Variants in RBFOX1 observed in about 807,000 individuals in gnomAD.
RBFOX1 encodes the protein RNA binding protein fox-1 homolog 1.
A neutral mutation model predicts 57.7 loss-of-function variants in RBFOX1; 8 were observed. The observed-to-expected ratio is 0.14, with a 90% CI of 0.08 to 0.25. RBFOX1 has a LOEUF of 0.25. RBFOX1 is among the 10% of genes least tolerant of loss of function. The probability of loss-of-function intolerance (pLI) is 1.00; values close to 1 mark genes in which losing one functional copy is unlikely to be tolerated. For missense variants in RBFOX1, 611 were observed against 548.5 expected (o/e 1.11, Z -1.14); for synonymous variants, 326 against 222.4 (o/e 1.47, Z -4.15).
intron 4 of RBFOX1, among the ~76,000 whole-genome samples, chr16:7,393,502 C>G (rs373801916): frequency 1.3e-5 from 2 of 152,002 alleles, no homozygotes; most frequent in Non-Finnish European, 2.9e-5. Flanking sequence ...GTCAGATTTC[C>G]TAGGGATAAT....
intron 4 of RBFOX1, among the ~76,000 whole-genome samples, chr16:7,427,528 C>A (rs2098632801): frequency 6.6e-6 from 1 of 152,196 alleles, no homozygotes; most frequent in Non-Finnish European, 1.5e-5. Flanking sequence ...CTCTAACCAA[C>A]TTCTGAGACA....
intron 6 of RBFOX1, among the ~76,000 whole-genome samples, chr16:7,585,062 G>A (rs929913109): frequency 1.3e-5 from 2 of 152,212 alleles, no homozygotes; most frequent in Admixed American, 1.3e-4. Context: ...TTGCATCGCG[G>A]TTTTGGAAGA....
At chr16:6,157,042 C>T (rs527555093) in intron 1 of RBFOX1, among the ~76,000 whole-genome samples, 4 of 152,048 alleles carry the variant, frequency 2.6e-5, no homozygotes, top group African/African-American at 9.6e-5. Flanking sequence ...TGCTATGTTG[C>T]CTAGGCTGCT....
intron 4 of RBFOX1, among the ~76,000 whole-genome samples, chr16:7,079,796 A>C (rs1293647567): frequency 2.0e-5 from 3 of 151,872 alleles, no homozygotes; most frequent in Non-Finnish European, 4.4e-5. Flanking sequence ...CTGTACACTT[A>C]AGATTTGTGT....
At chr16:6,995,884 C>G (rs146372930) in intron 3 of RBFOX1, among the ~76,000 whole-genome samples, 3 of 152,174 alleles carry the variant, frequency 2.0e-5, no homozygotes, top group Admixed American at 1.3e-4. Context: ...TCTGCATCCT[C>G]CTATGTTTGA....
chr16:6,107,047 A>G (rs1465947432), intron 1 of RBFOX1, among the ~76,000 whole-genome samples: 3 of 152,102 alleles, frequency 2.0e-5, no homozygotes, highest in Non-Finnish European at 4.4e-5. Context: ...ACCAAACATA[A>G]TCAGCAGCCC....
At chr16:5,663,036 G>C (rs1049487350) in intron 3 of RBFOX1, among the ~76,000 whole-genome samples, 21 of 152,148 alleles carry the variant, frequency 1.4e-4, no homozygotes, top group Admixed American at 1.3e-4. Flanking sequence ...GCAATGTCTG[G>C]AGAAATTTTT....
chr16:5,246,895 T>G (rs2062315265), intron 1 of RBFOX1, among the ~76,000 whole-genome samples: 1 of 152,146 alleles, frequency 6.6e-6, no homozygotes, highest in African/African-American at 2.4e-5. Flanking sequence ...GGTCCTGAAC[T>G]CCTGGGCTCA....
rs79979205 is a variant in RBFOX1 at position 7,025,993 on chromosome 16, T to C, written c.-15-26064T>C. Among the ~76,000 whole-genome samples, 52 of 152,184 alleles carry C rather than the reference T, an allele frequency of 3.4e-4. No homozygotes were observed. The East Asian group carries it at 9.3e-3, about 27-fold the overall frequency. ...GCTGGTGCAGGTATCTGTAGACTGG[T>C]CATACTGGGTTTGGGATCAGACCCC... On this transcript the variant is annotated intron_variant, in intron 3 of 15. Coordinates refer to ENST00000550418, the MANE Select transcript of RBFOX1 (RefSeq NM_018723.4).
intron 1 of RBFOX1, among the ~76,000 whole-genome samples, chr16:5,242,521 A>G (rs1450449312): frequency 1.3e-5 from 2 of 152,328 alleles, no homozygotes; most frequent in East Asian, 1.9e-4. Context: ...GAACCCATGA[A>G]GCAGTGTCAG....
chr16:7,465,133 G>T (rs1463789064), intron 4 of RBFOX1, among the ~76,000 whole-genome samples: 1 of 152,020 alleles, frequency 6.6e-6, no homozygotes, highest in Admixed American at 6.6e-5. Context: ...TCTACGTCAG[G>T]GGCTTTGCAT....
At chr16:5,809,172 T>C (rs2151771868) in intron 3 of RBFOX1, among the ~76,000 whole-genome samples, 1 of 152,190 alleles carries the variant, frequency 6.6e-6, no homozygotes, top group African/African-American at 2.4e-5. Context: ...AAAAATTAAT[T>C]CAAGATGGAT....
intron 5 of RBFOX1, among the ~76,000 whole-genome samples, chr16:7,534,388 C>T (rs547323361): frequency 2.0e-5 from 3 of 152,090 alleles, no homozygotes; most frequent in South Asian, 4.2e-4. Context: ...CCACAGTGCA[C>T]GGCCACCACA....
intron 1 of RBFOX1, among the ~76,000 whole-genome samples, chr16:6,122,223 A>T (rs1180951373): frequency 6.6e-6 from 1 of 151,868 alleles, no homozygotes; most frequent in Non-Finnish European, 1.5e-5. Context: ...TTATTTTTTA[A>T]TGTTTTTATT....
At chr16:7,228,589 C>T (rs896991405) in intron 4 of RBFOX1, among the ~76,000 whole-genome samples, 23 of 152,268 alleles carry the variant, frequency 1.5e-4, no homozygotes, top group African/African-American at 4.8e-4. Flanking sequence ...GCCACACAGC[C>T]GTAAGGGAGT....
chr16:5,693,107 A>G (rs1485562445), intron 3 of RBFOX1, among the ~76,000 whole-genome samples: 1 of 152,160 alleles, frequency 6.6e-6, no homozygotes, highest in Non-Finnish European at 1.5e-5. Context: ...AGCTGAGTGG[A>G]CAGACGTGGG....
intron 3 of RBFOX1, among the ~76,000 whole-genome samples, chr16:7,010,226 A>C (rs940368507): frequency 6.6e-6 from 1 of 152,260 alleles, no homozygotes; most frequent in Non-Finnish European, 1.5e-5. Context: ...CTGAAGCTCA[A>C]ATACACAGAC....
chr16:5,486,919 T>C (rs2042647818), intron 2 of RBFOX1, among the ~76,000 whole-genome samples: 1 of 152,152 alleles, frequency 6.6e-6, no homozygotes, highest in Admixed American at 6.5e-5. Context: ...CAGCAGCCTC[T>C]CTCAGACCTG....
chr16:7,154,367 C>T (rs2076678172), intron 4 of RBFOX1, among the ~76,000 whole-genome samples: 1 of 152,172 alleles, frequency 6.6e-6, no homozygotes, highest in African/African-American at 2.4e-5. Flanking sequence ...AAAACTACCA[C>T]TGAAGAGTGT....
Sources: gnomAD v4.1 joint callset for allele counts (sites outside exome capture counted in the v4.1 genomes callset) on GRCh38, gnomAD v4.1.1 for gene constraint, MANE v1.5 for transcripts, NCBI Gene and HGNC (gene_info 2026-07-23, HGNC 2026-07-21) for gene names.